MARCHF6: variants seen among roughly 807,000 people sequenced by gnomAD.
The protein encoded by MARCHF6 is E3 ubiquitin-protein ligase MARCHF6.
A neutral mutation model predicts 133.7 loss-of-function variants in MARCHF6; 31 were observed. The ratio of observed to expected loss-of-function variants is 0.23; its 90% CI spans 0.17 to 0.31. The LOEUF is 0.31. Ranked by LOEUF, MARCHF6 falls within the 10% of genes least tolerant of loss-of-function variation. The probability of loss-of-function intolerance (pLI) is 1.00; values close to 1 mark genes in which losing one functional copy is unlikely to be tolerated. For missense variants in MARCHF6, 723 were observed against 1,121.6 expected, an observed-to-expected ratio of 0.64 and a Z score of 5.08; for synonymous variants, 395 against 402.5, an observed-to-expected ratio of 0.98 and a Z score of 0.22.
intron 1 of MARCHF6, among the ~76,000 whole-genome samples, chr5:10,356,631 G>A (rs1158801044): frequency 6.6e-6 from 1 of 152,004 alleles, no homozygotes; most frequent in Non-Finnish European, 1.5e-5. Context: ...CCTGACCTCA[G>A]GTGATCTGTC....
chr5:10,415,546 C>G lies in MARCHF6; in HGVS notation c.2025C>G (p.Leu675=). 6.2e-7 allele frequency: 1 copy of G among 1,614,158 alleles called. No individual in the cohort carries two copies. The highest frequency in any genetic ancestry group is 8.5e-7 in the Non-Finnish European group (1 of 1,180,020). Residue 675 remains leucine (L), a synonymous_variant, in exon 21 of 26, where the codon CTC becomes CTG. Transcript: ENST00000274140. ...CGGGGACTGCCAAAATCCATGAGCT[C>G]TACACAGCTGCTTGTGGTCTCTATG... The part of the protein sequence containing the change: ...FWTGTAKIHE[L]YTAACGLYVC...
Position 10,402,375 on chromosome 5 carries a change from A to G in MARCHF6, c.1054-9A>G, listed in dbSNP as rs780970826. The G allele has an allele frequency of 1.2e-6, 2 of 1,613,182 alleles. No individual in the cohort carries two copies. Among genetic ancestry groups the G allele is most frequent in the Non-Finnish European group, 1.7e-6 (2 of 1,179,206 alleles). ...AAATACTCAGTTTTTCCTTGACCTG[A>G]TGCTGTAGGGCTTGGCAACTCTTGT... On this transcript the variant is annotated splice_polypyrimidine_tract_variant and intron_variant, in intron 12 of 25. Transcript: ENST00000274140.
At chr5:10,423,388 C>T (rs966166498) in intron 22 of MARCHF6, among the ~76,000 whole-genome samples, 2 of 152,198 alleles carry the variant, frequency 1.3e-5, no homozygotes, top group Non-Finnish European at 2.9e-5. Flanking sequence ...AATCAGCTCA[C>T]TTGAAACCAA....
At chr5:10,401,973 A>T in intron 11 of MARCHF6, 86 bp from the exon 12 acceptor site, 1 of 777,286 alleles carries the variant, frequency 1.3e-6, no homozygotes, top group African/African-American at 1.7e-5. Context: ...ATTCTCTTTT[A>T]GTCATTTAGA....
At chr5:10,354,095 C>A (rs1361381038) in intron 1 of MARCHF6, 178 bp downstream of exon 1, 3 of 458,580 alleles carry the variant, frequency 6.5e-6, no homozygotes, top group South Asian at 8.2e-5. Context: ...GCGCGCCCCC[C>A]GCCGTTTCCC....
chr5:10,424,827 T>C (rs1400131498), intron 23 of MARCHF6, among the ~76,000 whole-genome samples: 3 of 152,208 alleles, frequency 2.0e-5, no homozygotes, highest in African/African-American at 7.2e-5. Context: ...AAGACTATTA[T>C]TGTATTACAG....
At chr5:10,371,040 G>A (rs574089167) in intron 1 of MARCHF6, among the ~76,000 whole-genome samples, 1 of 152,270 alleles carries the variant, frequency 6.6e-6, no homozygotes, top group Admixed American at 6.5e-5. Context: ...GAGTACTCTT[G>A]GAATTGGGAG....
chr5:10,432,925 C>T (rs570074290), intron 25 of MARCHF6, among the ~76,000 whole-genome samples: 58 of 132,112 alleles, frequency 4.4e-4, no homozygotes, highest in East Asian at 2.9e-3. Flanking sequence ...TTTTTTGAGA[C>T]GGAGTCACAC....
chr5:10,357,353 G>GTTTTTTTTT (rs56199979), intron 1 of MARCHF6, among the ~76,000 whole-genome samples: 1 of 146,942 alleles, frequency 6.8e-6, no homozygotes, highest in Non-Finnish European at 1.5e-5. Flanking sequence ...TAAAGCTGAG[G>GTTTTTTTTT]TTTTTTTTTT....
intron 18 of MARCHF6, 40 bp downstream of exon 18, chr5:10,410,316 T>A: frequency 2.5e-6 from 4 of 1,598,506 alleles, no homozygotes; most frequent in Non-Finnish European, 3.4e-6. Context: ...TGCATGTCAT[T>A]TGTGACTATG....
At chr5:10,403,383 C>G in intron 14 of MARCHF6, 24 bp from the exon 15 acceptor site, 2 of 1,601,676 alleles carry the variant, frequency 1.2e-6, no homozygotes, top group Non-Finnish European at 1.7e-6. Flanking sequence ...ACAGATTTCT[C>G]TTACCTGTCC....
intron 1 of MARCHF6, among the ~76,000 whole-genome samples, chr5:10,354,392 T>C (rs1200971068): frequency 3.3e-5 from 5 of 152,190 alleles, no homozygotes; most frequent in African/African-American, 1.2e-4. Flanking sequence ...CCCCGCCAGA[T>C]GACGGCCGAG....
chr5:10,368,959 T>TA (rs112511673), intron 1 of MARCHF6, among the ~76,000 whole-genome samples: 10,396 of 143,750 alleles, frequency 0.072, 644 homozygotes, highest in African/African-American at 0.17. Context: ...TCTGTTTCTT[T>TA]AAAAAAAAAA....
intron 1 of MARCHF6, among the ~76,000 whole-genome samples, chr5:10,364,666 A>G (rs1489362061): frequency 6.6e-6 from 1 of 152,212 alleles, no homozygotes; most frequent in African/African-American, 2.4e-5. Context: ...CTGAAGCTTG[A>G]TGTTGCCCAC....
rs1376962181 is a variant in MARCHF6, at chr5:10,439,824, C to T, written c.*6140C>T. 2 of 152,632 alleles carry T rather than the reference C, an allele frequency of 1.3e-5. No homozygotes were observed. The highest frequency in any genetic ancestry group is 2.9e-5 in the Non-Finnish European group (2 of 68,228). The allele number at this position is 152,632 out of a possible 1,614,324, so 9.5% of individuals were successfully genotyped here. ...AGCACCCCTTTTCTCCCTTCTCTGACCCCATCACCTCTGTGTTCACCCTGC... is the reference window on the plus strand; with the variant it reads ...AGCACCCCTTTTCTCCCTTCTCTGATCCCATCACCTCTGTGTTCACCCTGC... On this transcript the variant is annotated 3_prime_UTR_variant, in exon 26 of 26. Transcript: ENST00000274140.
chr5:10,397,269 T>G, intron 9 of MARCHF6, 24 bp from the exon 10 acceptor site: 1 of 1,530,280 alleles, frequency 6.5e-7, no homozygotes, highest in South Asian at 1.2e-5. Flanking sequence ...TTGAATATGC[T>G]TTATTGATGC....
chr5:10,417,717 C>CAAA (rs748194332), intron 22 of MARCHF6, among the ~76,000 whole-genome samples: 135 of 52,468 alleles, frequency 2.6e-3, no homozygotes, highest in Non-Finnish European at 3.4e-3. Flanking sequence ...AGCCTCTGTC[C>CAAA]AAAAAAAAAA....
In MARCHF6 at chr5:10,417,266, A is replaced by G; in HGVS notation, c.2149-4A>G. 6.2e-7 allele frequency: 1 copy of G among 1,603,026 alleles called. No individual in the cohort carries two copies. The highest frequency in any genetic ancestry group is 8.5e-7 in the Non-Finnish European group (1 of 1,177,462). ...TAATGATGTGGGCTCCTGTTTCCTA[A>G]TAGATCATGAAGACTTTGATAGTTG... On this transcript the variant is annotated splice_polypyrimidine_tract_variant and splice_region_variant and intron_variant, in intron 21 of 25. Transcript: ENST00000274140.
chr5:10,405,334 C>T lies in MARCHF6; in HGVS notation c.1333-224C>T, dbSNP rs575292602. Among the ~76,000 whole-genome samples, 148 of 151,948 alleles carry T rather than the reference C, an allele frequency of 9.7e-4. 1 individual carries two copies. The highest frequency in any genetic ancestry group is 1.4e-3 in the Non-Finnish European group (94 of 67,948). On this transcript the variant is annotated intron_variant, in intron 15 of 25. Transcript: ENST00000274140. ...AATGAATGTTTTTTTTTTCCCCCGC[C>T]CCTAGTGAATGATGATGTCAAAGGA...
Sources: gnomAD v4.1 joint callset for allele counts (sites outside exome capture counted in the v4.1 genomes callset) on GRCh38, gnomAD v4.1.1 for gene constraint, MANE v1.5 for transcripts, NCBI Gene and HGNC (gene_info 2026-07-23, HGNC 2026-07-21) for gene names.